Variants in DLX6 observed in about 807,000 individuals in gnomAD.
DLX6 encodes homeobox protein DLX-6.
DLX6 carries 4 observed loss-of-function variants against 33.5 expected under a neutral mutation model. The ratio of observed to expected loss-of-function variants is 0.12; its 90% CI spans 0.06 to 0.27. The LOEUF is 0.27. Ranked by LOEUF, DLX6 falls within the 10% of genes least tolerant of loss-of-function variation. The probability of loss-of-function intolerance (pLI) is 1.00; values close to 1 mark genes in which losing one functional copy is unlikely to be tolerated. For synonymous variants in DLX6, 184 were observed against 164.8 expected (o/e 1.12, Z -0.89); for missense variants, 382 against 393.3 (o/e 0.97, Z 0.24).
intron 2 of DLX6, among the ~76,000 whole-genome samples, chr7:97,009,202 A>C (rs902050453): frequency 1.3e-5 from 2 of 152,214 alleles, no homozygotes; most frequent in African/African-American, 4.8e-5. Flanking sequence ...CTTCATGTAT[A>C]ATCTATGGCA....
intron 1 of DLX6, chr7:97,006,722 C>T (rs1019989180): frequency 8.2e-5 from 13 of 158,550 alleles, no homozygotes; most frequent in African/African-American, 2.6e-4. Flanking sequence ...TGGGTCTGTG[C>T]GCCCTTTTCC....
In DLX6 at chr7:97,009,862, C is replaced by T; in HGVS notation, c.697C>T (p.His233Tyr). Residue 233 changes from histidine to tyrosine, a missense_variant, in exon 3 of 3, where the codon CAT becomes TAT. Physicochemically the swap from His to Tyr is moderately conservative, Grantham distance 83. Around this residue, in one of 4 missense-constraint regions of DLX6, gnomAD observed 96 missense variants for 93.3 expected, o/e 1.03. Transcript: ENST00000518156. ...ACTGCTGAAGCAGGGCAGTAATCCTCATGAGAGCGACCCCCTCCAGGGCTC... is the reference window on the plus strand; with the variant it reads ...ACTGCTGAAGCAGGGCAGTAATCCTTATGAGAGCGACCCCCTCCAGGGCTC... Reference protein sequence around the residue: ...KKLLKQGSNPHESDPLQGSAA... With the variant: ...KKLLKQGSNPYESDPLQGSAA... The T allele has an allele frequency of 2.5e-6, 4 of 1,613,998 alleles. No individual in the cohort carries two copies. The highest frequency in any genetic ancestry group is 3.3e-5 in the Admixed American group (2 of 60,020).
Position 97,006,249 on chromosome 7 carries a change from AC to A in DLX6, c.274del (p.Gln92SerfsTer28). 1 of 1,524,348 alleles carries A rather than the reference AC, an allele frequency of 6.6e-7. No individual in the cohort carries two copies. Among genetic ancestry groups the A allele is most frequent in the Non-Finnish European group, 8.8e-7 (1 of 1,133,540 alleles). The allele number at this position is 1,524,348 out of a possible 1,614,324, so 94.4% of individuals were successfully genotyped here. A position where few individuals can be genotyped will look rare whatever the true frequency, so the allele number is the denominator to read the frequency against. On this transcript the variant is annotated frameshift_variant, in exon 1 of 3. Transcript: ENST00000518156. LOFTEE classifies it high-confidence loss of function. ...AAAGSHHHHHHQHHHHGSPYA... is the reference protein window; with the variant it reads ...AAAGSHHHHHXQHHHHGSPYA... The stretch of plus-strand genomic sequence containing the variant: ...GCCGGCTCGCACCACCACCACCACC[AC>A]CAGCACCACCACCACGGCTCGCCCT...
At chr7:97,007,054 A>T (rs966183297) in intron 1 of DLX6, 2 of 164,928 alleles carry the variant, frequency 1.2e-5, no homozygotes, top group South Asian at 1.7e-4. Context: ...CCTCGGGCTG[A>T]TGGTTCTCAG....
In DLX6 at chr7:97,006,201, A is replaced by T; in HGVS notation, c.224A>T (p.His75Leu). ...AGAHYPLHCL[H>L]SAAAAAAAGS... ...GCGCACTACCCTCTGCACTGCCTGCACTCGGCGGCGGCGGCGGCAGCGGCC... is the reference window on the plus strand; with the variant it reads ...GCGCACTACCCTCTGCACTGCCTGCTCTCGGCGGCGGCGGCGGCAGCGGCC... The change falls in exon 1 of 3, where the codon CAC (histidine) becomes CTC (leucine). Residue 75 changes from histidine to leucine, a missense_variant. His to Leu is a moderately conservative substitution (Grantham distance 99, BLOSUM62 -3). Coordinates refer to ENST00000518156, the MANE Select transcript of DLX6 (RefSeq NM_005222.4). 1 of 1,510,280 alleles carries T rather than the reference A, an allele frequency of 6.6e-7. No homozygotes were observed. The highest frequency in any genetic ancestry group is 1.4e-5 in the African/African-American group (1 of 69,904). The allele number at this position is 1,510,280 out of a possible 1,614,324, so 93.6% of individuals were successfully genotyped here. A position where few individuals can be genotyped will look rare whatever the true frequency, so the allele number is the denominator to read the frequency against.
Position 97,009,865 on chromosome 7 carries a change from G to C in DLX6, c.700G>C (p.Glu234Gln). 6.2e-7 allele frequency: 1 copy of C among 1,614,010 alleles called. No homozygotes were observed. ...GCTGAAGCAGGGCAGTAATCCTCAT[G>C]AGAGCGACCCCCTCCAGGGCTCGGC... Reference protein sequence around the residue: ...KLLKQGSNPHESDPLQGSAAL... With the variant: ...KLLKQGSNPHQSDPLQGSAAL... Residue 234 changes from glutamate to glutamine, a missense_variant, in exon 3 of 3, where the codon GAG becomes CAG. Physicochemically the swap from Glu to Gln is conservative, Grantham distance 29. Coordinates refer to ENST00000518156, the MANE Select transcript of DLX6 (RefSeq NM_005222.4).
rs899894248 is a variant in DLX6, at chr7:97,010,808, C to T, written c.*761C>T. ...AAACAAAACAAAAACCACTCTTTCCCCACCCCACCCCCCCAAACCCTGAAC... is the reference window on the plus strand; with the variant it reads ...AAACAAAACAAAAACCACTCTTTCCTCACCCCACCCCCCCAAACCCTGAAC... On this transcript the variant is annotated 3_prime_UTR_variant, in exon 3 of 3. Transcript: ENST00000518156. 1 of 143,180 alleles carries T rather than the reference C, an allele frequency of 7.0e-6. No individual in the cohort carries two copies. The highest frequency in any genetic ancestry group is 1.5e-5 in the Non-Finnish European group (1 of 65,162). 8.9% of individuals were successfully genotyped at this position (143,180 alleles called of 1,614,324 possible). A position where few individuals can be genotyped will look rare whatever the true frequency, so the allele number is the denominator to read the frequency against.
In DLX6 at chr7:97,009,899, C is replaced by T. The variant is rs530888638; in HGVS notation, c.734C>T (p.Ser245Leu). ...SDPLQGSAALSPRSPALPPVW... is the reference protein window; with the variant it reads ...SDPLQGSAALLPRSPALPPVW... ...CCCCTCCAGGGCTCGGCGGCCCTGT[C>T]GCCACGCTCGCCAGCGCTGCCTCCA... The change falls in exon 3 of 3, where the codon TCG (serine) becomes TTG (leucine). Residue 245 changes from serine to leucine, a missense_variant. Transcript: ENST00000518156. 6.8e-6 allele frequency: 11 copies of T among 1,613,954 alleles called. No individual in the cohort carries two copies. The highest frequency in any genetic ancestry group is 1.3e-5 in the African/African-American group (1 of 75,042).
chr7:97,008,936 A>G (rs542667465), intron 2 of DLX6, among the ~76,000 whole-genome samples: 1 of 152,372 alleles, frequency 6.6e-6, no homozygotes, highest in African/African-American at 2.4e-5. Context: ...TTTTAAAGGT[A>G]AAGGAAGCTG....
At position 97,006,597 on chromosome 7, in the gene DLX6, G is replaced by C. The variant is rs1019936846; in HGVS notation, c.436+184G>C. On this transcript the variant is annotated intron_variant, in intron 1 of 2. Transcript: ENST00000518156. The stretch of plus-strand genomic sequence containing the variant: ...GCCTGCCTGCCGGCCTCTCCCAGCC[G>C]GGCCCCTTCCCGCCGCCGCGGACCC... 4 of 411,090 alleles carry C rather than the reference G, an allele frequency of 9.7e-6. No individual in the cohort carries two copies. The East Asian group carries it at 3.8e-4, about 39-fold the overall frequency. The allele number at this position is 411,090 out of a possible 1,614,324, so 25.5% of individuals were successfully genotyped here. A position where few individuals can be genotyped will look rare whatever the true frequency, so the allele number is the denominator to read the frequency against.
chr7:97,009,516 T>C (rs1236761442), intron 2 of DLX6, among the ~76,000 whole-genome samples: 6 of 152,156 alleles, frequency 3.9e-5, no homozygotes, highest in Non-Finnish European at 8.8e-5. Flanking sequence ...TTCAGCTTTT[T>C]CTTATTTATA....
rs1554340423 is a variant in DLX6, at chr7:97,006,108, A to AGCAACAGCC, written c.133_134insAACAGCCGC (p.Gln44_Pro45insGlnGlnPro). 8.9e-5 allele frequency: 133 copies of AGCAACAGCC among 1,501,942 alleles called. No individual in the cohort carries two copies. The highest frequency in any genetic ancestry group is 3.7e-4 in the East Asian group (15 of 40,168). The allele number at this position is 1,501,942 out of a possible 1,614,324, so 93.0% of individuals were successfully genotyped here. Reference sequence around the variant, plus strand: ...CAGCAGCAGCAGCAGCAACAGCAACAGCCGCCGCCGCCGCCGCCGCCGCCG... The same window carrying AGCAACAGCC: ...CAGCAGCAGCAGCAGCAACAGCAACAGCAACAGCCGCCGCCGCCGCCGCCGCCGCCGCCG... On this transcript the variant is annotated inframe_insertion, in exon 1 of 3. Transcript: ENST00000518156.
Position 97,005,672 on chromosome 7 carries a change from G to T in DLX6, c.-306G>T. The T allele has an allele frequency of 5.6e-6, 1 of 179,302 alleles. No homozygotes were observed. Among genetic ancestry groups the T allele is most frequent in the East Asian group, 1.2e-4 (1 of 8,038 alleles). The allele number at this position is 179,302 out of a possible 1,614,324, so 11.1% of individuals were successfully genotyped here. A position where few individuals can be genotyped will look rare whatever the true frequency, so the allele number is the denominator to read the frequency against. On this transcript the variant is annotated 5_prime_UTR_variant, in exon 1 of 3. Coordinates refer to ENST00000518156, the MANE Select transcript of DLX6 (RefSeq NM_005222.4). ...CAAAAAATCCAAGGGGGGAAAGCAGGCGGGGGGAGAGCAGATTCCCCCCTC... is the reference window on the plus strand; with the variant it reads ...CAAAAAATCCAAGGGGGGAAAGCAGTCGGGGGGAGAGCAGATTCCCCCCTC...
chr7:97,007,290 C>T (rs2115870230), intron 1 of DLX6: 2 of 576,414 alleles, frequency 3.5e-6, no homozygotes, highest in East Asian at 5.7e-5. Context: ...AAGCCGGGCA[C>T]AGGGGCCCCG....
rs1227611468 is a variant in DLX6, at chr7:97,006,140, C to G, written c.163C>G (p.Pro55Ala). The G allele has an allele frequency of 6.5e-7, 1 of 1,543,424 alleles. No homozygotes were observed. Residue 55 changes from proline (P) to alanine (A), a missense_variant, in exon 1 of 3, where the codon CCG (proline) becomes GCG (alanine). By Grantham distance (27) the Pro-to-Ala change is conservative. Coordinates refer to ENST00000518156, the MANE Select transcript of DLX6 (RefSeq NM_005222.4). Reference protein sequence around the residue: ...PPPPPPPPPQPHSQQSSPAMA... With the variant: ...PPPPPPPPPQAHSQQSSPAMA... Reference sequence around the variant, plus strand: ...GCCGCCGCCGCCGCCGCCGCCGCAGCCGCACTCGCAGCAGAGCTCCCCGGC... The same window carrying G: ...GCCGCCGCCGCCGCCGCCGCCGCAGGCGCACTCGCAGCAGAGCTCCCCGGC...
In DLX6 at chr7:97,006,076, A is replaced by AGCAACAGCAG; in HGVS notation, c.99_100insGCAACAGCAG (p.Gln34AlafsTer124). On this transcript the variant is annotated frameshift_variant, in exon 1 of 3. Coordinates refer to ENST00000518156, the MANE Select transcript of DLX6 (RefSeq NM_005222.4). LOFTEE classifies it high-confidence loss of function. ...GGCAGCAGCAGCAGCAGCAGCAGCA[A>AGCAACAGCAG]CAGCAGCAGCAGCAGCAGCAGCAAC... is the stretch of plus-strand genomic sequence containing the variant. 2.0e-6 allele frequency: 3 copies of AGCAACAGCAG among 1,484,040 alleles called. No homozygotes were observed. Among genetic ancestry groups the AGCAACAGCAG allele is most frequent in the Non-Finnish European group, 2.7e-6 (3 of 1,092,064 alleles). 91.9% of individuals were successfully genotyped at this position (1,484,040 alleles called of 1,614,324 possible). A position where few individuals can be genotyped will look rare whatever the true frequency, so the allele number is the denominator to read the frequency against.
rs373223835 is a variant in DLX6, at chr7:97,009,905, G to T, written c.740G>T (p.Arg247Leu). 1 of 1,613,958 alleles carries T rather than the reference G, an allele frequency of 6.2e-7. No individual in the cohort carries two copies. Among genetic ancestry groups the T allele is most frequent in the Non-Finnish European group, 8.5e-7 (1 of 1,179,878 alleles). ...CAGGGCTCGGCGGCCCTGTCGCCAC[G>T]CTCGCCAGCGCTGCCTCCAGTCTGG... ...PLQGSAALSP[R>L]SPALPPVWDV... The change falls in exon 3 of 3, where the codon CGC (arginine) becomes CTC (leucine). Residue 247 changes from arginine (R) to leucine (L), a missense_variant. Physicochemically the swap from Arg to Leu is moderately radical, Grantham distance 102. Coordinates refer to ENST00000518156, the MANE Select transcript of DLX6 (RefSeq NM_005222.4).
chr7:97,007,295 G>T (rs1789757747), intron 1 of DLX6: 1 of 579,354 alleles, frequency 1.7e-6, no homozygotes, highest in Non-Finnish European at 3.1e-6. Context: ...GGGCACAGGG[G>T]CCCCGCTCCG....
intron 1 of DLX6, 167 bp from the exon 2 acceptor site, chr7:97,007,471 T>A: frequency 1.4e-6 from 1 of 697,268 alleles, no homozygotes; most frequent in Admixed American, 2.1e-5. Context: ...ACGCAGACGC[T>A]GGGAGCACAC....
Sources: allele counts gnomAD v4.1 joint callset (sites outside exome capture counted in the v4.1 genomes callset), GRCh38; gene constraint gnomAD v4.1.1; regional missense constraint gnomAD v4.1.1; transcripts MANE v1.5; gene names NCBI Gene and HGNC (gene_info 2026-07-23, HGNC 2026-07-21).